PRKD1: variants seen among roughly 807,000 people sequenced by gnomAD.
PRKD1 encodes the protein serine/threonine-protein kinase D1.
PRKD1 carries 63 observed loss-of-function variants against 95.9 expected under a neutral mutation model. The observed-to-expected ratio is 0.66, with a 90% CI of 0.54 to 0.81. The LOEUF (loss-of-function observed/expected upper bound fraction) is 0.81. Ranked by LOEUF, PRKD1 falls within the 30% of genes least tolerant of loss-of-function variation. The pLI is 0.00. For synonymous variants in PRKD1, 425 were observed against 423.1 expected (o/e 1.00, Z -0.05); for missense variants, 1,048 against 1,165.3 (o/e 0.90, Z 1.47).
chr14:29,725,996 G>A (rs1430522361), intron 1 of PRKD1, among the ~76,000 whole-genome samples: 1 of 152,064 alleles, frequency 6.6e-6, no homozygotes, highest in African/African-American at 2.4e-5. Flanking sequence ...GTGGGAAGAG[G>A]TGTGCACTTT....
intron 1 of PRKD1, among the ~76,000 whole-genome samples, chr14:29,789,647 T>G (rs1453412928): frequency 2.0e-5 from 3 of 152,288 alleles, no homozygotes; most frequent in Non-Finnish European, 4.4e-5. Flanking sequence ...CAGGCCAGTC[T>G]CTGGGTGCCC....
chr14:29,783,842 A>G (rs1364957178), intron 1 of PRKD1, among the ~76,000 whole-genome samples: 1 of 152,006 alleles, frequency 6.6e-6, no homozygotes, highest in Non-Finnish European at 1.5e-5. Context: ...GATTATTTGT[A>G]TTTTTGCTGT....
chr14:29,594,579 G>T (rs1228991096), intron 16 of PRKD1, among the ~76,000 whole-genome samples: 1 of 152,174 alleles, frequency 6.6e-6, no homozygotes, highest in Non-Finnish European at 1.5e-5. Context: ...CGGAATGGCA[G>T]ATAGGACTCT....
At chr14:29,652,231 C>T (rs1446367558) in intron 4 of PRKD1, among the ~76,000 whole-genome samples, 2 of 152,134 alleles carry the variant, frequency 1.3e-5, no homozygotes, top group Admixed American at 6.5e-5. Context: ...GTGGAGGTCA[C>T]GGTACCTTGC....
intron 1 of PRKD1, among the ~76,000 whole-genome samples, chr14:29,834,964 C>T (rs1170695068): frequency 6.6e-6 from 1 of 152,028 alleles, no homozygotes; most frequent in African/African-American, 2.4e-5. Flanking sequence ...CTAAAGAGAC[C>T]TGAGTTGCAT....
At chr14:29,835,669 C>A (rs1839132830) in intron 1 of PRKD1, among the ~76,000 whole-genome samples, 3 of 152,166 alleles carry the variant, frequency 2.0e-5, no homozygotes, top group South Asian at 4.1e-4. Flanking sequence ...CTCCTGGGTT[C>A]AAGCGATTCT....
At chr14:29,577,577 ATCTT>A (rs765624676) in intron 17 of PRKD1, 121 bp from the exon 18 acceptor site, 278 of 936,276 alleles carry the variant, frequency 3.0e-4, no homozygotes, top group Non-Finnish European at 1.9e-4. Flanking sequence ...ACAGCGCTGA[ATCTT>A]TCATCACGCA....
intron 1 of PRKD1, among the ~76,000 whole-genome samples, chr14:29,747,333 C>T (rs563494924): frequency 7.2e-5 from 11 of 152,228 alleles, no homozygotes; most frequent in African/African-American, 2.6e-4. Flanking sequence ...GTTGGAACAC[C>T]TGTACATTGC....
chr14:29,847,041 T>C (rs1892104753), intron 1 of PRKD1, among the ~76,000 whole-genome samples: 1 of 152,172 alleles, frequency 6.6e-6, no homozygotes, highest in Non-Finnish European at 1.5e-5. Context: ...TGGCCCAGTT[T>C]GGATCAGGTG....
intron 1 of PRKD1, among the ~76,000 whole-genome samples, chr14:29,895,170 A>G (rs1299017666): frequency 6.6e-6 from 1 of 152,084 alleles, no homozygotes; most frequent in African/African-American, 2.4e-5. Flanking sequence ...ACCAAAAATT[A>G]TCTGGGCATG....
At chr14:29,636,954 A>C (rs1205579827) in intron 6 of PRKD1, among the ~76,000 whole-genome samples, 4 of 152,046 alleles carry the variant, frequency 2.6e-5, no homozygotes, top group Non-Finnish European at 4.4e-5. Context: ...TTTTTATTTC[A>C]GTTTATATGC....
At chr14:29,606,934 C>T (rs774439392) in intron 13 of PRKD1, among the ~76,000 whole-genome samples, 1 of 152,190 alleles carries the variant, frequency 6.6e-6, no homozygotes, top group Admixed American at 6.5e-5. Context: ...TGAATTCCAG[C>T]TCTGCCTCTT....
chr14:29,812,333 G>A (rs964011845), intron 1 of PRKD1, among the ~76,000 whole-genome samples: 1 of 152,148 alleles, frequency 6.6e-6, no homozygotes, highest in Non-Finnish European at 1.5e-5. Context: ...ACACTAAATT[G>A]AATATAATTT....
intron 8 of PRKD1, 64 bp downstream of exon 8, chr14:29,634,354 A>C: frequency 6.2e-7 from 1 of 1,610,426 alleles, no homozygotes; most frequent in Non-Finnish European, 8.5e-7. Flanking sequence ...TCCTCACGGG[A>C]CATTAGCAAC....
intron 1 of PRKD1, among the ~76,000 whole-genome samples, chr14:29,788,778 T>C (rs1247219692): frequency 6.6e-6 from 1 of 152,146 alleles, no homozygotes; most frequent in Non-Finnish European, 1.5e-5. Flanking sequence ...TTATGATATC[T>C]AGCCTTTGCT....
intron 13 of PRKD1, among the ~76,000 whole-genome samples, chr14:29,605,340 TTC>T (rs1464127664): frequency 2.6e-5 from 4 of 152,140 alleles, no homozygotes; most frequent in Non-Finnish European, 5.9e-5. Context: ...CAGCTCCTTT[TTC>T]TCTCTCTGCT....
chr14:29,739,795 G>T (rs956662369), intron 1 of PRKD1, among the ~76,000 whole-genome samples: 2 of 152,286 alleles, frequency 1.3e-5, no homozygotes, highest in African/African-American at 4.8e-5. Flanking sequence ...TAAGGCAGAT[G>T]TGACTCAGTG....
intron 1 of PRKD1, among the ~76,000 whole-genome samples, chr14:29,738,755 T>C (rs1886846525): frequency 6.6e-6 from 1 of 151,480 alleles, no homozygotes; most frequent in Non-Finnish European, 1.5e-5. Flanking sequence ...GCTTCTTTCT[T>C]TCTTTCCTTC....
chr14:29,624,208 A>ATTT lies in PRKD1; in HGVS notation c.1846_1848dup (p.Lys616dup). ...CTTTCTTGTTTTGTTGGAAATCGTA[A>ATTT]TTTGTCAATGATTTTAATAGCTACA... On this transcript the variant is annotated inframe_insertion, in exon 13 of 18. Transcript: ENST00000331968. 1 of 1,605,688 alleles carries ATTT rather than the reference A, an allele frequency of 6.2e-7. No homozygotes were observed. Among genetic ancestry groups the ATTT allele is most frequent in the Non-Finnish European group, 8.5e-7 (1 of 1,175,710 alleles).
Sources: allele counts gnomAD v4.1 joint callset (sites outside exome capture counted in the v4.1 genomes callset), GRCh38; gene constraint gnomAD v4.1.1; transcripts MANE v1.5; gene names NCBI Gene and HGNC (gene_info 2026-07-23, HGNC 2026-07-21).